FAM184B: variants seen among roughly 807,000 people sequenced by gnomAD.
FAM184B encodes the protein protein FAM184B.
In FAM184B, 111 loss-of-function variants were observed where a neutral mutation model predicts 135.9. The ratio of observed to expected loss-of-function variants is 0.82; its 90% confidence interval spans 0.70 to 0.96. FAM184B has a LOEUF of 0.96. Among genes scored for constraint, FAM184B ranks in the 40% least tolerant of loss-of-function variants. The pLI is 0.00. For missense variants in FAM184B, 1,375 were observed against 1,323.9 expected, an observed-to-expected ratio of 1.04 and a Z score of -0.60; for synonymous variants, 552 against 524.8, an observed-to-expected ratio of 1.05 and a Z score of -0.71.
chr4:17,691,422 A>C (rs1311147977), intron 6 of FAM184B, among the ~76,000 whole-genome samples: 1 of 152,222 alleles, frequency 6.6e-6, no homozygotes, highest in Non-Finnish European at 1.5e-5. Context: ...ACGGTGGCTC[A>C]CGCCTGTAAT....
chr4:17,659,281 A>AT (rs879617787), intron 9 of FAM184B, among the ~76,000 whole-genome samples: 2 of 150,546 alleles, frequency 1.3e-5, no homozygotes, highest in East Asian at 2.0e-4. Context: ...ATTTTTTTTT[A>AT]TTTTTTGTAG....
At chr4:17,635,866 G>A (rs189246534) in intron 15 of FAM184B, among the ~76,000 whole-genome samples, 44 of 152,270 alleles carry the variant, frequency 2.9e-4, no homozygotes, top group Non-Finnish European at 5.9e-4. Flanking sequence ...GGGGCTTAGG[G>A]AGTGGCTTTG....
At chr4:17,659,836 C>G in intron 9 of FAM184B, 122 bp downstream of exon 9, 2 of 1,312,346 alleles carry the variant, frequency 1.5e-6, no homozygotes, top group Non-Finnish European at 2.1e-6. Context: ...CCCACTTTGC[C>G]CTGGTCCTGT....
chr4:17,780,379 G>C (rs1024943906), intron 1 of FAM184B, among the ~76,000 whole-genome samples: 28 of 152,162 alleles, frequency 1.8e-4, no homozygotes, highest in African/African-American at 6.8e-4. Flanking sequence ...CCTTGTATAG[G>C]AGACAGTGAG....
intron 1 of FAM184B, among the ~76,000 whole-genome samples, chr4:17,730,150 G>A (rs1309465829): frequency 6.6e-6 from 1 of 152,208 alleles, no homozygotes; most frequent in Non-Finnish European, 1.5e-5. Context: ...TGATCAACTG[G>A]AAGAAAGGGT....
chr4:17,649,687 T>C (rs1203061984), intron 11 of FAM184B, among the ~76,000 whole-genome samples: 2 of 152,176 alleles, frequency 1.3e-5, no homozygotes, highest in Non-Finnish European at 2.9e-5. Context: ...ATAACCCCAT[T>C]TTTTGAAAAC....
rs755710694 is a variant in FAM184B, at chr4:17,690,361, C to A, written c.1489-1830G>T. ...ATGTTGGAGGGGCCAGAGTGAAGGA[C>A]GGGACAGAGGCAGCAGAGCCTTGGA... On this transcript the variant is annotated intron_variant, in intron 6 of 17. Transcript: ENST00000265018. 1.2e-3 allele frequency among the ~76,000 whole-genome samples: 185 copies of A among 152,114 alleles called. 1 individual carries two copies. Among genetic ancestry groups the A allele is most frequent in the Non-Finnish European group, 1.5e-4 (10 of 68,020 alleles).
At chr4:17,637,259 C>T (rs1361456869) in intron 14 of FAM184B, among the ~76,000 whole-genome samples, 1 of 152,186 alleles carries the variant, frequency 6.6e-6, no homozygotes, top group Non-Finnish European at 1.5e-5. Context: ...GAATTCCTGA[C>T]CTCGTGATCC....
chr4:17,693,222 A>C, intron 6 of FAM184B, 80 bp downstream of exon 6: 1 of 1,091,118 alleles, frequency 9.2e-7, no homozygotes. Context: ...TGTCTTCCAA[A>C]ATTCTTGGCT....
chr4:17,682,695 TG>T (rs1299882597), intron 7 of FAM184B, among the ~76,000 whole-genome samples: 5 of 152,018 alleles, frequency 3.3e-5, no homozygotes, highest in African/African-American at 1.2e-4. Flanking sequence ...GACGAGGTTT[TG>T]CCATGTTGCT....
At chr4:17,764,464 G>A (rs938292218) in intron 1 of FAM184B, among the ~76,000 whole-genome samples, 1 of 152,206 alleles carries the variant, frequency 6.6e-6, no homozygotes, top group African/African-American at 2.4e-5. Context: ...GGCACCCAGA[G>A]AGGCCTCAGT....
intron 1 of FAM184B, among the ~76,000 whole-genome samples, chr4:17,716,719 T>C (rs1417390417): frequency 6.6e-6 from 1 of 152,210 alleles, no homozygotes; most frequent in Non-Finnish European, 1.5e-5. Flanking sequence ...GTCAATCATT[T>C]CAATTACATT....
At chr4:17,743,661 G>A (rs1441324660) in intron 1 of FAM184B, among the ~76,000 whole-genome samples, 1 of 152,162 alleles carries the variant, frequency 6.6e-6, no homozygotes, top group Non-Finnish European at 1.5e-5. Context: ...AGATACTCCT[G>A]TAAGCAGATT....
At chr4:17,747,000 T>C (rs1465001504) in intron 1 of FAM184B, among the ~76,000 whole-genome samples, 1 of 145,386 alleles carries the variant, frequency 6.9e-6, no homozygotes, top group Non-Finnish European at 1.5e-5. Flanking sequence ...ATCACGCCAC[T>C]GCACTCCATA....
At chr4:17,653,544 C>A (rs993331411) in intron 10 of FAM184B, among the ~76,000 whole-genome samples, 2 of 151,934 alleles carry the variant, frequency 1.3e-5, no homozygotes, top group Middle Eastern at 3.2e-3. Context: ...TCTTTTTTTC[C>A]CTACTTTTTA....
intron 7 of FAM184B, among the ~76,000 whole-genome samples, chr4:17,680,562 G>A (rs1270989142): frequency 2.0e-5 from 3 of 152,150 alleles, no homozygotes; most frequent in African/African-American, 7.2e-5. Context: ...GAATATCCCT[G>A]AGCCACTCCT....
In FAM184B at chr4:17,680,290, C is replaced by G. The variant is rs142991005; in HGVS notation, c.1596+8134G>C. On this transcript the variant is annotated intron_variant, in intron 7 of 17. Coordinates refer to ENST00000265018, the MANE Select transcript of FAM184B (RefSeq NM_015688.2). ...TTATTTTGAAAGCTTTTTCACAGATCTTTTTCAGTTTTGTTTGTTTTTGAG... is the reference window on the plus strand; with the variant it reads ...TTATTTTGAAAGCTTTTTCACAGATGTTTTTCAGTTTTGTTTGTTTTTGAG... Among the ~76,000 whole-genome samples, 248 of 152,146 alleles carry G rather than the reference C, an allele frequency of 1.6e-3. 1 individual carries two copies. The highest frequency in any genetic ancestry group is 5.6e-3 in the African/African-American group (231 of 41,520).
chr4:17,744,461 T>TCA (rs57912683), intron 1 of FAM184B, among the ~76,000 whole-genome samples: 33,486 of 140,470 alleles, frequency 0.24, 4,914 homozygotes, highest in East Asian at 0.51. Context: ...TCTCTCTCTC[T>TCA]CACACACACA....
rs1407837939 is a variant in FAM184B at position 17,709,295 on chromosome 4, TGCTGGAGCCTCCTCTCGTA to T, written c.472_490del (p.Tyr158ThrfsTer2). On this transcript the variant is annotated frameshift_variant, in exon 2 of 18. Transcript: ENST00000265018. LOFTEE classifies it high-confidence loss of function. ...CGGGGTAGCCTCGTGGCTCGTCAGG[TGCTGGAGCCTCCTCTCGTA>T]GTCAGCCTTGAGCTCCAGCATTTCC... The T allele has an allele frequency of 6.5e-7, 1 of 1,547,760 alleles. No individual in the cohort carries two copies. Among genetic ancestry groups the T allele is most frequent in the South Asian group, 1.2e-5 (1 of 83,732 alleles).
Sources: gnomAD v4.1 joint callset for allele counts (sites outside exome capture counted in the v4.1 genomes callset) on GRCh38, gnomAD v4.1.1 for gene constraint, MANE v1.5 for transcripts, NCBI Gene and HGNC (gene_info 2026-07-23, HGNC 2026-07-21) for gene names.